The following OPLAH variants were observed in gnomAD, a reference collection of about 807,000 sequenced individuals.
OPLAH encodes the protein 5-oxoprolinase.
A neutral mutation model predicts 122.8 loss-of-function variants in OPLAH; 103 were observed. The ratio of observed to expected loss-of-function variants is 0.84; its 90% CI spans 0.71 to 0.99. OPLAH has a LOEUF of 0.99. Among genes scored for constraint, OPLAH ranks in the 50% least tolerant of loss-of-function variants. OPLAH has a pLI of 0.00. For missense variants in OPLAH, 1,902 were observed against 1,836.5 expected (o/e 1.04, Z -0.65); for synonymous variants, 875 against 796.0 (o/e 1.10, Z -1.67).
intron 22 of OPLAH, 24 bp downstream of exon 22, chr8:144,052,742 C>T (rs1554757996): frequency 6.4e-7 from 1 of 1,559,572 alleles, no homozygotes; most frequent in Non-Finnish European, 8.7e-7. Context: ...TGGGGCCCCC[C>T]CTCGCGCACA....
chr8:144,057,706 A>G lies in OPLAH; in HGVS notation c.1164T>C (p.Pro388=). ...CCAGATTAGCATCCGTCACTGTCACAGGGCCCCCTGGGAGGTGGACAGGGT... is the reference window on the plus strand; with the variant it reads ...CCAGATTAGCATCCGTCACTGTCACGGGGCCCCCTGGGAGGTGGACAGGGT... The part of the protein sequence containing the change: ...PGPACYRKGG[P]VTVTDANLVL... Residue 388 remains proline, a synonymous_variant, in exon 10 of 27, where the codon CCT becomes CCC. Transcript: ENST00000618853. 6.2e-7 allele frequency: 1 copy of G among 1,608,858 alleles called. No individual in the cohort carries two copies.
At chr8:144,062,115 C>T (rs1312286398), upstream of OPLAH, among the ~76,000 whole-genome samples, 1 of 152,056 alleles carries the variant, frequency 6.6e-6, no homozygotes, top group African/African-American at 2.4e-5. Flanking sequence ...AATAAACGTG[C>T]TTTCACTTTA....
In OPLAH at chr8:144,052,440, C is replaced by A. The variant is rs782032938; in HGVS notation, c.3303+9G>T. ...CCGCCCCCGAGCTGCGCCCACCCCG[C>A]CCCCGCACCTGGGAGGCGGCGCAGG... is the stretch of plus-strand genomic sequence containing the variant. On this transcript the variant is annotated intron_variant, in intron 23 of 26. Transcript: ENST00000618853. The A allele has an allele frequency of 1.2e-4, 184 of 1,533,848 alleles. 1 individual carries two copies. The African/African-American group carries it at 2.2e-3, about 19-fold the overall frequency.
rs782691100 is a variant in OPLAH, at chr8:144,055,846, G to A, written c.2190C>T (p.Gly730=). ...SVGAEVPGTV[G]PQLDPIQLSI... ...ACAGCTGGATAGGGTCCAGCTGGGG[G>A]CCCACTGTGCCGGGGACTTCGGCCC... Residue 730 remains glycine, a synonymous_variant, in exon 16 of 27, where the codon GGC becomes GGT. Transcript: ENST00000618853. The surrounding 1 kb of genome is among the most constrained non-coding windows in gnomAD (Gnocchi z 6.5). 17 of 1,575,228 alleles carry A rather than the reference G, an allele frequency of 1.1e-5. No individual in the cohort carries two copies. The East Asian group carries it at 3.7e-4, about 35-fold the overall frequency.
In OPLAH at chr8:144,053,251, C is replaced by T; in HGVS notation, c.2829G>A (p.Gln943=). 1 of 1,613,002 alleles carries T rather than the reference C, an allele frequency of 6.2e-7. No individual in the cohort carries two copies. The highest frequency in any genetic ancestry group is 8.5e-7 in the Non-Finnish European group (1 of 1,179,820). Residue 943 remains glutamine, a synonymous_variant, in exon 20 of 27, where the codon CAG becomes CAA. Coordinates refer to ENST00000618853, the MANE Select transcript of OPLAH (RefSeq NM_017570.5). Reference sequence around the variant, plus strand: ...AGGCCTGCACCACGTCCAGGCCGTACTGCCCAATGAGCTCCCCCACCAGCT... The same window carrying T: ...AGGCCTGCACCACGTCCAGGCCGTATTGCCCAATGAGCTCCCCCACCAGCT... ...GIQLVGELIG[Q]YGLDVVQAYM...
At position 144,057,468 on chromosome 8, in the gene OPLAH, G is replaced by T; in HGVS notation, c.1402C>A (p.Pro468Thr). Residue 468 changes from proline to threonine, a missense_variant, in exon 10 of 27, where the codon CCC becomes ACC. Pro to Thr is a conservative substitution (Grantham distance 38). This residue lies in a region of OPLAH where 1,726 missense variants were observed against 1,642.1 expected (regional missense o/e 1.05). Coordinates refer to ENST00000618853, the MANE Select transcript of OPLAH (RefSeq NM_017570.5). The stretch of plus-strand genomic sequence containing the variant: ...CGTACCTGCGTGAGTGCACGGATGG[G>T]CCGGCACATGGCCTCGTTGGCCACG... ...VRVANEAMCR[P>T]IRALTQARGH... is the part of the protein sequence containing the mutation. The T allele has an allele frequency of 6.3e-7, 1 of 1,589,700 alleles. No individual in the cohort carries two copies.
At chr8:144,053,163 ACCTGCAGGATGGC>A (rs1216740509) in intron 20 of OPLAH, 33 bp downstream of exon 20, 1 of 1,608,268 alleles carries the variant, frequency 6.2e-7, no homozygotes, top group African/African-American at 1.3e-5. Flanking sequence ...TGGCCAGGTC[ACCTGCAGGATGGC>A]CCTGCCGCCC....
intron 3 of OPLAH, 142 bp downstream of exon 3, chr8:144,059,457 C>T (rs1554760345): frequency 2.2e-6 from 2 of 904,204 alleles, no homozygotes; most frequent in African/African-American, 1.7e-5. Context: ...CTTGGGGTCC[C>T]ACTGGGAATT....
chr8:144,058,411 G>T lies in OPLAH; in HGVS notation c.784-7C>A. Reference sequence around the variant, plus strand: ...TGAACAACACCTGCACATCCTGCGAGCGGGCAGCAGGCGGGCCATGAGGGG... The same window carrying T: ...TGAACAACACCTGCACATCCTGCGATCGGGCAGCAGGCGGGCCATGAGGGG... On this transcript the variant is annotated splice_polypyrimidine_tract_variant and splice_region_variant and intron_variant, in intron 6 of 26. Coordinates refer to ENST00000618853, the MANE Select transcript of OPLAH (RefSeq NM_017570.5). The T allele has an allele frequency of 6.3e-7, 1 of 1,588,096 alleles. No homozygotes were observed. Among genetic ancestry groups the T allele is most frequent in the Non-Finnish European group, 8.5e-7 (1 of 1,171,460 alleles).
rs782668109 is a variant in OPLAH at position 144,053,072 on chromosome 8, C to A, written c.2929G>T (p.Ala977Ser). 5 of 1,602,544 alleles carry A rather than the reference C, an allele frequency of 3.1e-6. No homozygotes were observed. In the Admixed American group the frequency reaches 8.6e-5, roughly 28 times the overall value. Residue 977 changes from alanine (A) to serine (S), a missense_variant, in exon 21 of 27, where the codon GCC (alanine) becomes TCC (serine). Around this residue, in one of 3 missense-constraint regions of OPLAH, gnomAD observed 1,726 missense variants for 1,642.1 expected, o/e 1.05. Transcript: ENST00000618853. ...GACACCTCCAGGGGCAGGCCCCGGGCCTGCCGGGAGGTTCCAAAGGCACGC... is the reference window on the plus strand; with the variant it reads ...GACACCTCCAGGGGCAGGCCCCGGGACTGCCGGGAGGTTCCAAAGGCACGC... The part of the protein sequence containing the change: ...MLRAFGTSRQ[A>S]RGLPLEVSSE...
intron 6 of OPLAH, 34 bp downstream of exon 6, chr8:144,058,462 A>G (rs1554760004): frequency 1.3e-6 from 2 of 1,577,236 alleles, no homozygotes; most frequent in East Asian, 2.2e-5. Flanking sequence ...GCCCAGGCCC[A>G]GGAGTGGGCA....
upstream of OPLAH, among the ~76,000 whole-genome samples, chr8:144,061,043 AGAGGGGAG>A (rs1835654453): frequency 6.6e-6 from 1 of 152,046 alleles, no homozygotes; most frequent in South Asian, 2.1e-4. Flanking sequence ...GACAGAGAGG[AGAGGGGAG>A]GCCCTGCGGC....
In OPLAH at chr8:144,051,341, G is replaced by A. The variant is rs535340224; in HGVS notation, c.3852C>T (p.Ala1284=). ...TGCGGGATCCTCACACGGCCTCCTG[G>A]GCCCGGCGATACTCATAGACGCTGC... ...EHGSVYEYRR[A]QEAV Residue 1284 remains alanine (A), a synonymous_variant, in exon 27 of 27, where the codon GCC becomes GCT. Transcript: ENST00000618853. 6.2e-7 allele frequency: 1 copy of A among 1,611,640 alleles called. No homozygotes were observed. The highest frequency in any genetic ancestry group is 1.3e-5 in the African/African-American group (1 of 74,926).
At chr8:144,054,422 G>T (rs1835457959) in intron 19 of OPLAH, 139 bp downstream of exon 19, 1 of 937,574 alleles carries the variant, frequency 1.1e-6, no homozygotes, top group Non-Finnish European at 1.6e-6. Context: ...TGCCCTTTGG[G>T]GTAACCACCT....
In OPLAH at chr8:144,055,006, G is replaced by A; in HGVS notation, c.2409+23C>T. ...TGGAGGGTGAGGGAGGGGGATGGAA[G>A]GGTGAGGCGGGGGAAGGGCCACCTG... is the stretch of plus-strand genomic sequence containing the variant. On this transcript the variant is annotated intron_variant, in intron 17 of 26. Transcript: ENST00000618853. This position sits in a 1 kb window ranked among gnomAD's most constrained non-coding sequence, Gnocchi z 6.5. The A allele has an allele frequency of 7.1e-7, 1 of 1,414,666 alleles. No individual in the cohort carries two copies. The highest frequency in any genetic ancestry group is 1.5e-5 in the African/African-American group (1 of 68,166). 87.6% of individuals were successfully genotyped at this position (1,414,666 alleles called of 1,614,324 possible).
rs560330576 is a variant in OPLAH at position 144,059,305 on chromosome 8, C to T, written c.364-226G>A. 4.6e-5 allele frequency among the ~76,000 whole-genome samples: 7 copies of T among 152,338 alleles called. No individual in the cohort carries two copies. In the East Asian group the frequency reaches 9.7e-4, roughly 21 times the overall value. On this transcript the variant is annotated intron_variant, in intron 3 of 26. Transcript: ENST00000618853. ...CCACCCCCACGAAGGCAGCTTCTTC[C>T]GGAAACGCAGCAGTAGGTGCGGGGT... is the stretch of plus-strand genomic sequence containing the variant.
In OPLAH at chr8:144,058,637, C is replaced by A; in HGVS notation, c.642G>T (p.Thr214=). ...VGVLARELGF[T]HVSLSSEAMP... is the part of the protein sequence containing the mutation. Reference sequence around the variant, plus strand: ...TGGCCTCCGAGGACAGTGACACGTGCGTGAAGCCCAGCTCCCGGGCCAGCA... The same window carrying A: ...TGGCCTCCGAGGACAGTGACACGTGAGTGAAGCCCAGCTCCCGGGCCAGCA... Residue 214 remains threonine (T), a synonymous_variant, in exon 6 of 27, where the codon ACG becomes ACT. Transcript: ENST00000618853. The A allele has an allele frequency of 6.2e-7, 1 of 1,601,698 alleles. No individual in the cohort carries two copies. The highest frequency in any genetic ancestry group is 8.5e-7 in the Non-Finnish European group (1 of 1,178,004).
rs782398287 is a variant in OPLAH at position 144,051,361 on chromosome 8, C to T, written c.3832G>A (p.Val1278Ile). The T allele has an allele frequency of 1.2e-6, 2 of 1,610,428 alleles. No homozygotes were observed. The highest frequency in any genetic ancestry group is 1.7e-6 in the Non-Finnish European group (2 of 1,178,914). The change falls in exon 27 of 27, where the codon GTC becomes ATC. Residue 1278 changes from valine to isoleucine, a missense_variant. Coordinates refer to ENST00000618853, the MANE Select transcript of OPLAH (RefSeq NM_017570.5). ...QALAFPEHGSVYEYRRAQEAV is the reference protein window; with the variant it reads ...QALAFPEHGSIYEYRRAQEAV Reference sequence around the variant, plus strand: ...TCCTGGGCCCGGCGATACTCATAGACGCTGCCGTGCTCGGGAAAGGCCAGT... The same window carrying T: ...TCCTGGGCCCGGCGATACTCATAGATGCTGCCGTGCTCGGGAAAGGCCAGT...
At position 144,054,692 on chromosome 8, in the gene OPLAH, C is replaced by T; in HGVS notation, c.2555G>A (p.Ser852Asn). 6.2e-7 allele frequency: 1 copy of T among 1,612,472 alleles called. No individual in the cohort carries two copies. The highest frequency in any genetic ancestry group is 8.5e-7 in the Non-Finnish European group (1 of 1,179,816). The change falls in exon 19 of 27, where the codon AGC becomes AAC. Residue 852 changes from serine to asparagine, a missense_variant. Transcript: ENST00000618853. Reference protein sequence around the residue: ...GQTRPVFYVASRGHHADIGGI... With the variant: ...GQTRPVFYVANRGHHADIGGI... ...CCCGATGTCTGCGTGGTGCCCTCGG[C>T]TGGCCACATAGAACACAGGCCGCGT...
Sources: gnomAD v4.1 joint callset for allele counts (sites outside exome capture counted in the v4.1 genomes callset) on GRCh38, gnomAD v4.1.1 for gene constraint, gnomAD v4.1.1 regional missense constraint, Gnocchi (gnomAD v3.1) non-coding constraint, MANE v1.5 for transcripts, NCBI Gene and HGNC (gene_info 2026-07-23, HGNC 2026-07-21) for gene names.